The following THSD7B variants were observed in gnomAD, a reference collection of about 807,000 sequenced individuals.
The protein encoded by THSD7B is thrombospondin type-1 domain-containing protein 7B.
Under a neutral mutation model 213.6 loss-of-function variants are expected in THSD7B, and 138 were observed. The observed-to-expected ratio is 0.65, with a 90% CI of 0.56 to 0.74. The LOEUF is 0.74. Among genes scored for constraint, THSD7B ranks in the 30% least tolerant of loss-of-function variants. The pLI is 0.00. For synonymous variants in THSD7B, 742 were observed against 687.0 expected (o/e 1.08, Z -1.25); for missense variants, 1,931 against 1,991.5 (o/e 0.97, Z 0.58).
chr2:136,909,873 T>G (rs1182681357), intron 2 of THSD7B, among the ~76,000 whole-genome samples: 1 of 152,184 alleles, frequency 6.6e-6, no homozygotes, highest in Admixed American at 6.5e-5. Flanking sequence ...TTGGTTTTCT[T>G]TACTATTTCC....
intron 7 of THSD7B, among the ~76,000 whole-genome samples, chr2:137,229,354 T>G (rs901038324): frequency 6.6e-6 from 1 of 151,880 alleles, no homozygotes; most frequent in East Asian, 1.9e-4. Context: ...GTATTGGGTG[T>G]GTGTGTGTGT....
At chr2:137,356,519 G>A (rs532215427) in intron 12 of THSD7B, among the ~76,000 whole-genome samples, 73 of 152,128 alleles carry the variant, frequency 4.8e-4, no homozygotes, top group Non-Finnish European at 8.5e-4. Flanking sequence ...CAGTATTTAT[G>A]CCGTTGATGT....
chr2:137,426,248 A>G lies in THSD7B; in HGVS notation c.2959+14376A>G, dbSNP rs754827199. Among the ~76,000 whole-genome samples, 14 of 152,322 alleles carry G rather than the reference A, an allele frequency of 9.2e-5. No homozygotes were observed. The South Asian group carries it at 1.0e-3, about 11-fold the overall frequency. ...TAATAAATATTGTCAAAATGTTTAT[A>G]CTATTCAAAATCATCTACAGACTCA... On this transcript the variant is annotated intron_variant, in intron 14 of 27. Transcript: ENST00000409968.
intron 17 of THSD7B, among the ~76,000 whole-genome samples, chr2:137,583,102 A>G (rs1265488950): frequency 6.6e-6 from 1 of 152,080 alleles, no homozygotes; most frequent in Non-Finnish European, 1.5e-5. Context: ...GATGATGAGC[A>G]TTTTTTCATG....
Position 137,535,315 on chromosome 2 carries a change from G to C in THSD7B, c.3139-27906G>C, listed in dbSNP as rs532504331. Among the ~76,000 whole-genome samples the C allele has an allele frequency of 1.4e-3, 210 of 151,636 alleles. 2 individuals carry two copies. The highest frequency in any genetic ancestry group is 2.5e-3 in the South Asian group (12 of 4,818). On this transcript the variant is annotated intron_variant, in intron 15 of 27. Transcript: ENST00000409968. ...ACACATATGAAAAAAAAAAGCAAAG[G>C]TATTCATACCTCCTAGTGACCTGCC...
chr2:137,362,229 G>T (rs1437882558), intron 12 of THSD7B, among the ~76,000 whole-genome samples: 1 of 152,150 alleles, frequency 6.6e-6, no homozygotes, highest in African/African-American at 2.4e-5. Context: ...AACTCCTGAA[G>T]GAAGCACTAA....
intron 7 of THSD7B, among the ~76,000 whole-genome samples, chr2:137,203,061 T>A (rs907620689): frequency 1.3e-5 from 2 of 152,082 alleles, no homozygotes; most frequent in Admixed American, 6.6e-5. Context: ...CAGTATTTTG[T>A]TTGGCTTTTT....
chr2:137,350,243 T>C (rs1432238033), intron 12 of THSD7B, among the ~76,000 whole-genome samples: 2 of 151,842 alleles, frequency 1.3e-5, no homozygotes, highest in Non-Finnish European at 1.5e-5. Flanking sequence ...TAAATAAGTC[T>C]AATAAAGCTA....
chr2:136,950,382 T>A (rs1374198855), intron 2 of THSD7B, among the ~76,000 whole-genome samples: 2 of 152,116 alleles, frequency 1.3e-5, no homozygotes, highest in African/African-American at 2.4e-5. Context: ...TGTATACATA[T>A]GTAGCAAACC....
At chr2:136,951,723 A>G (rs1439488048) in intron 2 of THSD7B, among the ~76,000 whole-genome samples, 1 of 152,220 alleles carries the variant, frequency 6.6e-6, no homozygotes, top group East Asian at 1.9e-4. Flanking sequence ...TTTCAGATGG[A>G]GTATCTATCA....
At chr2:137,236,689 G>T (rs897893894) in intron 9 of THSD7B, among the ~76,000 whole-genome samples, 1 of 152,148 alleles carries the variant, frequency 6.6e-6, no homozygotes, top group Non-Finnish European at 1.5e-5. Flanking sequence ...AGCTTGGCAG[G>T]TTTCCCCATC....
chr2:137,228,268 T>C (rs1034662501), intron 7 of THSD7B, among the ~76,000 whole-genome samples: 13 of 152,058 alleles, frequency 8.5e-5, no homozygotes, highest in Non-Finnish European at 1.8e-4. Context: ...AATTAGCCTG[T>C]ATAGCCAAAC....
At chr2:137,657,881 AT>A (rs1683268844) in intron 24 of THSD7B, among the ~76,000 whole-genome samples, 1 of 152,058 alleles carries the variant, frequency 6.6e-6, no homozygotes, top group African/African-American at 2.4e-5. Context: ...CGCCCAGCTA[AT>A]TTTTGTGTTT....
chr2:137,655,165 T>C (rs1683211560), intron 21 of THSD7B, among the ~76,000 whole-genome samples: 1 of 152,214 alleles, frequency 6.6e-6, no homozygotes, highest in African/African-American at 2.4e-5. Context: ...TATGTTCTCA[T>C]TGGTGATTAC....
intron 7 of THSD7B, among the ~76,000 whole-genome samples, chr2:137,188,436 A>T (rs371227171): frequency 2.0e-5 from 3 of 152,190 alleles, no homozygotes; most frequent in Non-Finnish European, 4.4e-5. Context: ...TCCATGGGAT[A>T]TTAGTTCCAG....
chr2:136,964,825 A>T (rs1035096030), intron 2 of THSD7B, among the ~76,000 whole-genome samples: 2 of 152,090 alleles, frequency 1.3e-5, no homozygotes, highest in African/African-American at 4.8e-5. Flanking sequence ...ATATGGTGAC[A>T]CTGTGTCTCT....
chr2:137,273,585 T>C (rs1202860028), intron 11 of THSD7B, among the ~76,000 whole-genome samples: 1 of 152,136 alleles, frequency 6.6e-6, no homozygotes, highest in East Asian at 1.9e-4. Flanking sequence ...CCTAAAGCTG[T>C]GAAATTCAAG....
intron 1 of THSD7B, among the ~76,000 whole-genome samples, chr2:136,828,522 A>T (rs1296964843): frequency 6.6e-6 from 1 of 152,198 alleles, no homozygotes; most frequent in Non-Finnish European, 1.5e-5. Flanking sequence ...AGATATGTAC[A>T]TCTGGCAATA....
At position 136,914,193 on chromosome 2, in the gene THSD7B, C is replaced by T. The variant is rs367740490; in HGVS notation, c.139+31876C>T. 3.9e-5 allele frequency among the ~76,000 whole-genome samples: 6 copies of T among 152,180 alleles called. No individual in the cohort carries two copies. In the East Asian group the frequency reaches 5.8e-4, roughly 15 times the overall value. ...ACTGCCCCACTGGATTTCGGACATA[C>T]GTGGGCCCTGTAATCCCTTTGTTTT... On this transcript the variant is annotated intron_variant, in intron 2 of 27. Transcript: ENST00000409968.
Sources: allele counts gnomAD v4.1 joint callset (sites outside exome capture counted in the v4.1 genomes callset), GRCh38; gene constraint gnomAD v4.1.1; transcripts MANE v1.5; gene names NCBI Gene and HGNC (gene_info 2026-07-23, HGNC 2026-07-21).